The following SLC22A17 variants were observed in gnomAD, a reference collection of about 807,000 sequenced individuals.
SLC22A17 encodes solute carrier family 22 member 17.
A neutral mutation model predicts 53.6 loss-of-function variants in SLC22A17; 38 were observed. The observed-to-expected ratio is 0.71, with a 90% CI of 0.55 to 0.93. The LOEUF (loss-of-function observed/expected upper bound fraction) is 0.93. Ranked by LOEUF, SLC22A17 falls within the 40% of genes least tolerant of loss-of-function variation. The probability of loss-of-function intolerance (pLI) is 0.00; values close to 1 mark genes in which losing one functional copy is unlikely to be tolerated. For missense variants in SLC22A17, 704 were observed against 791.0 expected (o/e 0.89, Z 1.32); for synonymous variants, 379 against 353.0 (o/e 1.07, Z -0.82).
rs1889321777 is a variant in SLC22A17, at chr14:23,347,773, C to T, written c.1278-42G>A. The T allele has an allele frequency of 6.2e-7, 1 of 1,609,890 alleles. No homozygotes were observed. The highest frequency in any genetic ancestry group is 8.5e-7 in the Non-Finnish European group (1 of 1,177,318). On this transcript the variant is annotated intron_variant, in intron 7 of 9. Transcript: ENST00000397267. The surrounding 1 kb of genome is among the most constrained non-coding windows in gnomAD (Gnocchi z 5.1). The stretch of plus-strand genomic sequence containing the variant: ...GGAAGCAACGAACAGAGCCTGAATC[C>T]CCTCCCGCAGCCTTCTACAGTGCTG...
chr14:23,350,059 A>C (rs1224299372), intron 3 of SLC22A17, among the ~76,000 whole-genome samples: 2 of 152,180 alleles, frequency 1.3e-5, no homozygotes, highest in East Asian at 3.9e-4. Context: ...TAATCCCAGC[A>C]CTTTGGGAGG....
In SLC22A17 at chr14:23,347,673, A is replaced by C; in HGVS notation, c.1336T>G (p.Ser446Ala). Residue 446 changes from serine (S) to alanine (A), a missense_variant, in exon 8 of 10, where the codon TCG (serine) becomes GCG (alanine). Around this residue, in one of 4 missense-constraint regions of SLC22A17, gnomAD observed 435 missense variants for 529.0 expected, o/e 0.82. Coordinates refer to ENST00000397267, the Ensembl canonical transcript of SLC22A17. The surrounding 1 kb of genome is among the most constrained non-coding windows in gnomAD (Gnocchi z 5.1). The stretch of plus-strand genomic sequence containing the variant: ...AGCAGAGAGCACAGGTAGAAGTCCG[A>C]TGGGCTCCCTCCTCCTCCCACAGGC... 6.2e-7 allele frequency: 1 copy of C among 1,613,990 alleles called. No individual in the cohort carries two copies. Among genetic ancestry groups the C allele is most frequent in the Non-Finnish European group, 8.5e-7 (1 of 1,180,008 alleles).
At position 23,346,818 on chromosome 14, in the gene SLC22A17, C is replaced by T. The variant is rs1042711739; in HGVS notation, c.1780G>A (p.Ala594Thr). The T allele has an allele frequency of 9.7e-6, 15 of 1,540,594 alleles. No homozygotes were observed. Among genetic ancestry groups the T allele is most frequent in the African/African-American group, 2.7e-5 (2 of 73,462 alleles). The stretch of plus-strand genomic sequence containing the variant: ...ATAATGCTGAGAATGCAGAGGAGGG[C>T]GCAGGCCGCCAGCACCACGTGCTGC... Residue 594 changes from alanine (A) to threonine (T), a missense_variant, in exon 10 of 10, where the codon GCC (alanine) becomes ACC (threonine). Ala to Thr is a moderately conservative substitution (Grantham distance 58). Coordinates refer to ENST00000397267, the Ensembl canonical transcript of SLC22A17.
chr14:23,347,062 G>A lies in SLC22A17; in HGVS notation c.1661+39C>T. ...GTGGGGTGGGGGAGCGGGAGGCGAGGGGGCCCGGCTCTGCCCCTGGGGGCA... is the reference window on the plus strand; with the variant it reads ...GTGGGGTGGGGGAGCGGGAGGCGAGAGGGCCCGGCTCTGCCCCTGGGGGCA... On this transcript the variant is annotated intron_variant, in intron 9 of 9. Transcript: ENST00000397267. This position sits in a 1 kb window ranked among gnomAD's most constrained non-coding sequence, Gnocchi z 5.1. 1.3e-6 allele frequency: 2 copies of A among 1,573,980 alleles called. No individual in the cohort carries two copies. The highest frequency in any genetic ancestry group is 1.7e-6 in the Non-Finnish European group (2 of 1,159,614).
At position 23,352,349 on chromosome 14, in the gene SLC22A17, T is replaced by A; in HGVS notation, c.199A>T (p.Ser67Cys). 1 of 1,036,852 alleles carries A rather than the reference T, an allele frequency of 9.6e-7. No homozygotes were observed. Among genetic ancestry groups the A allele is most frequent in the South Asian group, 2.2e-5 (1 of 44,876 alleles). 64.2% of individuals were successfully genotyped at this position (1,036,852 alleles called of 1,614,324 possible). A position where few individuals can be genotyped will look rare whatever the true frequency, so the allele number is the denominator to read the frequency against. ...GGGGGCACGGCCAGCGACAGGCTGC[T>A]GCCCAGTCCGTCGCCGCCCGCGTCT... is the stretch of plus-strand genomic sequence containing the variant. The change falls in exon 2 of 10, where the codon AGC (serine) becomes TGC (cysteine). Residue 67 changes from serine to cysteine, a missense_variant. Physicochemically the swap from Ser to Cys is moderately radical, Grantham distance 112. Coordinates refer to ENST00000397267, the Ensembl canonical transcript of SLC22A17. The surrounding 1 kb of genome is among the most constrained non-coding windows in gnomAD (Gnocchi z 7.2).
chr14:23,346,515 G>A (rs1889184525), exon 10 of SLC22A17: 13 of 1,189,392 alleles, frequency 1.1e-5, no homozygotes, highest in Non-Finnish European at 1.5e-5. Context: ...ACGGCCCTCT[G>A]AGCTCTCCGC....
In SLC22A17 at chr14:23,352,080, G is replaced by A; in HGVS notation, c.468C>T (p.Ala156=). ...TGGTGGCGACACGGCTGGCGGCGCT[G>A]GCTGCTAGGGCAGCGCTGGCGACGC... is the stretch of plus-strand genomic sequence containing the variant. Residue 156 remains alanine (A), a synonymous_variant, in exon 2 of 10, where the codon GCC becomes GCT. Transcript: ENST00000397267. This position sits in a 1 kb window ranked among gnomAD's most constrained non-coding sequence, Gnocchi z 7.2. 1 of 1,594,656 alleles carries A rather than the reference G, an allele frequency of 6.3e-7. No individual in the cohort carries two copies. Among genetic ancestry groups the A allele is most frequent in the Non-Finnish European group, 8.5e-7 (1 of 1,171,508 alleles).
chr14:23,347,616 A>T lies in SLC22A17; in HGVS notation c.1393T>A (p.Phe465Ile), dbSNP rs1312006111. ...AATCGGTCCACGGTGACCCCCAGGA[A>T]GACACAGGCCAGGGCTGCGGTGCCG... The change falls in exon 8 of 10, where the codon TTC (phenylalanine) becomes ATC (isoleucine). Residue 465 changes from phenylalanine (F) to isoleucine (I), a missense_variant. Phe to Ile is a conservative substitution (Grantham distance 21). Around this residue, in one of 4 missense-constraint regions of SLC22A17, gnomAD observed 435 missense variants for 529.0 expected, o/e 0.82. Coordinates refer to ENST00000397267, the Ensembl canonical transcript of SLC22A17. The surrounding 1 kb of genome is among the most constrained non-coding windows in gnomAD (Gnocchi z 5.1). 6.2e-6 allele frequency: 10 copies of T among 1,613,912 alleles called. No individual in the cohort carries two copies. In the African/African-American group the frequency reaches 1.2e-4, roughly 19 times the overall value.
rs376310144 is a variant in SLC22A17 at position 23,347,272 on chromosome 14, C to G, written c.1550-60G>C. ...GGGGAGGTCAAGGCTGGCCTAGTCC[C>G]GGGTGTCATCCCCTTGGCTCTCTGT... On this transcript the variant is annotated intron_variant, in intron 8 of 9. Transcript: ENST00000397267. The surrounding 1 kb of genome is among the most constrained non-coding windows in gnomAD (Gnocchi z 5.1). The G allele has an allele frequency of 2.1e-5, 32 of 1,517,986 alleles. No individual in the cohort carries two copies. The highest frequency in any genetic ancestry group is 1.3e-4 in the Admixed American group (7 of 52,594). 94.0% of individuals were successfully genotyped at this position (1,517,986 alleles called of 1,614,324 possible). A position where few individuals can be genotyped will look rare whatever the true frequency, so the allele number is the denominator to read the frequency against.
chr14:23,348,772 T>C lies in SLC22A17; in HGVS notation c.860-101A>G. The C allele has an allele frequency of 1.6e-6, 2 of 1,231,674 alleles. No homozygotes were observed. The highest frequency in any genetic ancestry group is 2.2e-6 in the Non-Finnish European group (2 of 902,864). 76.3% of individuals were successfully genotyped at this position (1,231,674 alleles called of 1,614,324 possible). On this transcript the variant is annotated intron_variant, in intron 4 of 9. Transcript: ENST00000397267. This position sits in a 1 kb window ranked among gnomAD's most constrained non-coding sequence, Gnocchi z 4.5. The stretch of plus-strand genomic sequence containing the variant: ...GGAGGGAGGAGGACAGAGAGAGAGG[T>C]CAGACCCAGAGTGGAGGCTGCAGCC...
In SLC22A17 at chr14:23,347,072, T is replaced by A. The variant is rs1286450320; in HGVS notation, c.1661+29A>T. 3.4e-5 allele frequency: 54 copies of A among 1,591,424 alleles called. No individual in the cohort carries two copies. The highest frequency in any genetic ancestry group is 4.1e-5 in the Non-Finnish European group (48 of 1,167,814). The stretch of plus-strand genomic sequence containing the variant: ...GGAGCGGGAGGCGAGGGGGCCCGGC[T>A]CTGCCCCTGGGGGCACCCCTGCTCT... On this transcript the variant is annotated intron_variant, in intron 9 of 9. Transcript: ENST00000397267. This position sits in a 1 kb window ranked among gnomAD's most constrained non-coding sequence, Gnocchi z 5.1.
Position 23,348,540 on chromosome 14 carries a change from T to A in SLC22A17, c.991A>T (p.Ile331Phe). 6.2e-7 allele frequency: 1 copy of A among 1,613,956 alleles called. No individual in the cohort carries two copies. Among genetic ancestry groups the A allele is most frequent in the Non-Finnish European group, 8.5e-7 (1 of 1,179,952 alleles). ...AGGAAGAGGATGCAGGGAGCGGTGATCATTCGCTGTAGGAATCGCCAATCC... is the reference window on the plus strand; with the variant it reads ...AGGAAGAGGATGCAGGGAGCGGTGAACATTCGCTGTAGGAATCGCCAATCC... The change falls in exon 5 of 10, where the codon ATC (isoleucine) becomes TTC (phenylalanine). Residue 331 changes from isoleucine (I) to phenylalanine (F), a missense_variant. By Grantham distance (21) the Ile-to-Phe change is conservative. This residue lies in a region of SLC22A17 where 435 missense variants were observed against 529.0 expected (regional missense o/e 0.82). Transcript: ENST00000397267. The surrounding 1 kb of genome is among the most constrained non-coding windows in gnomAD (Gnocchi z 4.5).
At chr14:23,351,101 A>G (rs74704321) in intron 3 of SLC22A17, 8,267 of 152,216 alleles carry the variant, frequency 0.054, 297 homozygotes, top group South Asian at 0.15. Context: ...GTTGATCTCT[A>G]GAGGTGAAGC....
In SLC22A17 at chr14:23,352,568, G is replaced by A. The variant is rs116875861; in HGVS notation, c.96+78C>T. ...GCAGTCAGGGGCGAGGGATGCGCAG[G>A]AGGAAAATGCCAGACGCTCCGCGGG... On this transcript the variant is annotated intron_variant, in intron 1 of 9. Coordinates refer to ENST00000397267, the Ensembl canonical transcript of SLC22A17. This position sits in a 1 kb window ranked among gnomAD's most constrained non-coding sequence, Gnocchi z 7.2. The A allele has an allele frequency of 9.1e-3, 3,831 of 419,796 alleles. 30 individuals carry two copies. The highest frequency in any genetic ancestry group is 0.017 in the South Asian group (176 of 10,266). The allele number at this position is 419,796 out of a possible 1,614,324, so 26.0% of individuals were successfully genotyped here.
rs778183158 is a variant in SLC22A17 at position 23,347,584 on chromosome 14, G to A, written c.1425C>T (p.Arg475=). 1.2e-6 allele frequency: 2 copies of A among 1,614,070 alleles called. No homozygotes were observed. Among genetic ancestry groups the A allele is most frequent in the South Asian group, 1.1e-5 (1 of 91,086 alleles). ...TCATGGAGAGAAGAAGGATGCCCCG[G>A]CGGCCAAATCGGTCCACGGTGACCC... The change falls in exon 8 of 10, where the codon CGC becomes CGT. Residue 475 remains arginine (R), a synonymous_variant. Transcript: ENST00000397267. The surrounding 1 kb of genome is among the most constrained non-coding windows in gnomAD (Gnocchi z 5.1).
At chr14:23,349,024 A>G (rs551546663) in intron 4 of SLC22A17, 2 of 606,600 alleles carry the variant, frequency 3.3e-6, no homozygotes, top group Admixed American at 2.9e-5. Context: ...ACTTACTGCT[A>G]TCAGGGGAAT....
Position 23,352,715 on chromosome 14 carries a change from G to T in SLC22A17, c.27C>A (p.Thr9=), listed in dbSNP as rs1250421054. The T allele has an allele frequency of 2.5e-6, 1 of 399,024 alleles. No homozygotes were observed. The highest frequency in any genetic ancestry group is 2.1e-5 in the African/African-American group (1 of 48,632). The allele number at this position is 399,024 out of a possible 1,614,324, so 24.7% of individuals were successfully genotyped here. The change falls in exon 1 of 10, where the codon ACC becomes ACA. Residue 9 remains threonine, a synonymous_variant. Transcript: ENST00000397267. This position sits in a 1 kb window ranked among gnomAD's most constrained non-coding sequence, Gnocchi z 7.2. ...CGCCGCCCCCGCCATTGGGCTCGGG[G>T]GTCCCGGTGGCCACCCGGGGAGCCA...
At chr14:23,349,245 A>C (rs1423938956) in intron 4 of SLC22A17, 27 bp downstream of exon 4, 1 of 1,613,754 alleles carries the variant, frequency 6.2e-7, no homozygotes, top group Non-Finnish European at 8.5e-7. Flanking sequence ...GACCCAAGGG[A>C]GGGAATTCTG....
At position 23,348,723 on chromosome 14, in the gene SLC22A17, G is replaced by T; in HGVS notation, c.860-52C>A. 6.5e-7 allele frequency: 1 copy of T among 1,529,376 alleles called. No individual in the cohort carries two copies. Among genetic ancestry groups the T allele is most frequent in the Non-Finnish European group, 8.8e-7 (1 of 1,137,218 alleles). The allele number at this position is 1,529,376 out of a possible 1,614,324, so 94.7% of individuals were successfully genotyped here. A position where few individuals can be genotyped will look rare whatever the true frequency, so the allele number is the denominator to read the frequency against. On this transcript the variant is annotated intron_variant, in intron 4 of 9. Transcript: ENST00000397267. This position sits in a 1 kb window ranked among gnomAD's most constrained non-coding sequence, Gnocchi z 4.5. The stretch of plus-strand genomic sequence containing the variant: ...GGAGAGGGAGGCCAGGGAGGAAGAA[G>T]GCATAAGAGAGAAGAAGAAAGAGGG...
Sources: allele counts gnomAD v4.1 joint callset (sites outside exome capture counted in the v4.1 genomes callset), GRCh38; gene constraint gnomAD v4.1.1; regional missense constraint gnomAD v4.1.1; non-coding constraint Gnocchi (gnomAD v3.1); transcripts MANE v1.5; gene names NCBI Gene and HGNC (gene_info 2026-07-23, HGNC 2026-07-21).